Variants in PCSK9 observed in about 807,000 individuals in gnomAD.
The protein encoded by PCSK9 is convertase subtilisin/kexin type 9 preproprotein.
A neutral mutation model predicts 62.1 loss-of-function variants in PCSK9; 57 were observed. The observed-to-expected ratio is 0.92, with a 90% confidence interval of 0.74 to 1.14. PCSK9 has a LOEUF of 1.14. Among genes scored for constraint, PCSK9 ranks in the 50% most tolerant of loss-of-function variants. The probability of loss-of-function intolerance (pLI) is 0.00; values close to 1 mark genes in which losing one functional copy is unlikely to be tolerated. For missense variants in PCSK9, 870 were observed against 959.8 expected (o/e 0.91, Z 1.24); for synonymous variants, 387 against 409.4 (o/e 0.95, Z 0.66).
chr1:55,048,898 TTTC>T (rs1297109208), intron 3 of PCSK9, among the ~76,000 whole-genome samples: 1 of 152,244 alleles, frequency 6.6e-6, no homozygotes. Flanking sequence ...GCCCTGCATT[TTTC>T]TTTTCTTACC....
At chr1:55,056,440 A>G (rs1644715861) in intron 6 of PCSK9, among the ~76,000 whole-genome samples, 1 of 152,086 alleles carries the variant, frequency 6.6e-6, no homozygotes, top group African/African-American at 2.4e-5. Context: ...GCGCCCACGT[A>G]GCGGCGCCTA....
At chr1:55,059,143 G>A (rs45490396) in intron 9 of PCSK9, among the ~76,000 whole-genome samples, 10,875 of 152,292 alleles carry the variant, frequency 0.071, 518 homozygotes, top group Middle Eastern at 0.16. Flanking sequence ...AGTGAGGAGG[G>A]GCAGGCATTT....
intron 3 of PCSK9, chr1:55,052,065 G>A: frequency 1.5e-6 from 1 of 687,028 alleles, no homozygotes. Flanking sequence ...GCCTTGGACA[G>A]TTACCTGCCC....
At position 55,063,746 on chromosome 1, in the gene PCSK9, G is replaced by A; in HGVS notation, c.*162G>A. On this transcript the variant is annotated 3_prime_UTR_variant, in exon 12 of 12. Transcript: ENST00000302118. ...GCTGGCCTGGCCCTTGAGTGGGGCAGCCTCCTTGCCTGGAACTCACTCACT... is the reference window on the plus strand; with the variant it reads ...GCTGGCCTGGCCCTTGAGTGGGGCAACCTCCTTGCCTGGAACTCACTCACT... 2.4e-6 allele frequency: 2 copies of A among 839,198 alleles called. No individual in the cohort carries two copies. Among genetic ancestry groups the A allele is most frequent in the Non-Finnish European group, 3.6e-6 (2 of 554,898 alleles). 52.0% of individuals were successfully genotyped at this position (839,198 alleles called of 1,614,324 possible). A position where few individuals can be genotyped will look rare whatever the true frequency, so the allele number is the denominator to read the frequency against.
intron 1 of PCSK9, among the ~76,000 whole-genome samples, chr1:55,043,451 C>T (rs1408908134): frequency 6.6e-6 from 1 of 152,108 alleles, no homozygotes; most frequent in Non-Finnish European, 1.5e-5. Context: ...CCACGGTTTC[C>T]TGGCTCCAAA....
In PCSK9 at chr1:55,061,358, G is replaced by T; in HGVS notation, c.1682-17G>T. The T allele has an allele frequency of 6.3e-7, 1 of 1,598,380 alleles. No individual in the cohort carries two copies. The highest frequency in any genetic ancestry group is 8.5e-7 in the Non-Finnish European group (1 of 1,173,896). ...ATCCCAGCATTTCACATCTGAGCTGGCTTTCCTCTGCCCCAGGCTGCAGCT... is the reference window on the plus strand; with the variant it reads ...ATCCCAGCATTTCACATCTGAGCTGTCTTTCCTCTGCCCCAGGCTGCAGCT... On this transcript the variant is annotated splice_polypyrimidine_tract_variant and intron_variant, in intron 10 of 11. Transcript: ENST00000302118.
chr1:55,063,601 T>A lies in PCSK9; in HGVS notation c.*17T>A. 6.2e-7 allele frequency: 1 copy of A among 1,608,872 alleles called. No homozygotes were observed. Among genetic ancestry groups the A allele is most frequent in the Non-Finnish European group, 8.5e-7 (1 of 1,178,532 alleles). On this transcript the variant is annotated 3_prime_UTR_variant, in exon 12 of 12. Coordinates refer to ENST00000302118, the MANE Select transcript of PCSK9 (RefSeq NM_174936.4). Reference sequence around the variant, plus strand: ...CTCCAGTGACAGCCCCATCCCAGGATGGGTGTCTGGGGAGGGTCAAGGGCT... The same window carrying A: ...CTCCAGTGACAGCCCCATCCCAGGAAGGGTGTCTGGGGAGGGTCAAGGGCT...
rs1399539607 is a variant in PCSK9, at chr1:55,039,769, G to A, written c.-69G>A. On this transcript the variant is annotated 5_prime_UTR_variant, in exon 1 of 12. Coordinates refer to ENST00000302118, the MANE Select transcript of PCSK9 (RefSeq NM_174936.4). Reference sequence around the variant, plus strand: ...TCCTCCCCACCGCAAGGCTCAAGGCGCCGCCGGCGTGGACCGCGCACGGCC... The same window carrying A: ...TCCTCCCCACCGCAAGGCTCAAGGCACCGCCGGCGTGGACCGCGCACGGCC... The A allele has an allele frequency of 2.9e-5, 44 of 1,539,098 alleles. No homozygotes were observed. Among genetic ancestry groups the A allele is most frequent in the Non-Finnish European group, 3.8e-5 (43 of 1,133,306 alleles).
chr1:55,051,373 G>T (rs1026048357), intron 3 of PCSK9: 3 of 352,726 alleles, frequency 8.5e-6, no homozygotes, highest in South Asian at 2.1e-5. Context: ...TTCCGCTGGC[G>T]CAGGACTCTG....
At position 55,056,138 on chromosome 1, in the gene PCSK9, C is replaced by T. The variant is rs1378856006; in HGVS notation, c.945C>T (p.Ala315=). 11 of 1,555,336 alleles carry T rather than the reference C, an allele frequency of 7.1e-6. No homozygotes were observed. Among genetic ancestry groups the T allele is most frequent in the Middle Eastern group, 1.8e-4 (1 of 5,580 alleles). ...ARAGVVLVTA[A]GNFRDDACLY... is the part of the protein sequence containing the mutation. ...CTGGGGTCGTGCTGGTCACCGCTGC[C>T]GGCAACTTCCGGGACGATGCCTGCC... The change falls in exon 6 of 12, where the codon GCC becomes GCT. Residue 315 remains alanine, a synonymous_variant. Transcript: ENST00000302118.
chr1:55,045,124 C>T (rs1644624370), intron 2 of PCSK9, among the ~76,000 whole-genome samples: 1 of 149,526 alleles, frequency 6.7e-6, no homozygotes, highest in Admixed American at 6.6e-5. Flanking sequence ...ACAATGTGCT[C>T]AGCCTTGGGG....
At position 55,052,314 on chromosome 1, in the gene PCSK9, C is replaced by A; in HGVS notation, c.560C>A (p.Thr187Asn). The change falls in exon 4 of 12, where the codon ACC becomes AAC. Residue 187 changes from threonine (T) to asparagine (N), a missense_variant. Physicochemically the swap from Thr to Asn is moderately conservative, Grantham distance 65. Transcript: ENST00000302118. The part of the protein sequence containing the change: ...GSLVEVYLLD[T>N]SIQSDHREIE... ...CTGGTGGAGGTGTATCTCCTAGACA[C>A]CAGCATACAGAGTGACCACCGGGAA... 5 of 1,613,936 alleles carry A rather than the reference C, an allele frequency of 3.1e-6. No individual in the cohort carries two copies. The highest frequency in any genetic ancestry group is 4.2e-6 in the Non-Finnish European group (5 of 1,180,024).
chr1:55,042,304 G>A (rs114250794), intron 1 of PCSK9, among the ~76,000 whole-genome samples: 54 of 152,268 alleles, frequency 3.5e-4, no homozygotes, highest in African/African-American at 1.2e-3. Flanking sequence ...AAAATGTTAC[G>A]AAAACCAAAA....
At chr1:55,047,726 G>GGAGAA (rs1172001117) in intron 3 of PCSK9, among the ~76,000 whole-genome samples, 9 of 152,210 alleles carry the variant, frequency 5.9e-5, no homozygotes, top group Non-Finnish European at 2.9e-5. Flanking sequence ...AAGGGTTTGT[G>GGAGAA]TGGGGGACAT....
At chr1:55,053,262 T>A (rs1644689298) in intron 5 of PCSK9, among the ~76,000 whole-genome samples, 1 of 152,030 alleles carries the variant, frequency 6.6e-6, no homozygotes, top group African/African-American at 2.4e-5. Flanking sequence ...GGCAGAGGAC[T>A]TTTTCTAGAC....
chr1:55,041,249 G>GCTGT (rs1220547613), intron 1 of PCSK9, among the ~76,000 whole-genome samples: 1 of 152,200 alleles, frequency 6.6e-6, no homozygotes, highest in Non-Finnish European at 1.5e-5. Context: ...CTGGGGCAGA[G>GCTGT]GGGAAAATTC....
Position 55,058,119 on chromosome 1 carries a change from G to C in PCSK9, c.1264G>C (p.Asp422His). ...GAGACTGATCCACTTCTCTGCCAAA[G>C]ATGTCATCAATGAGGCCTGGTTCCC... is the stretch of plus-strand genomic sequence containing the variant. ...RQRLIHFSAKDVINEAWFPED... is the reference protein window; with the variant it reads ...RQRLIHFSAKHVINEAWFPED... Residue 422 changes from aspartate (D) to histidine (H), a missense_variant, in exon 8 of 12, where the codon GAT (aspartate) becomes CAT (histidine). Asp to His is a moderately conservative substitution (Grantham distance 81, BLOSUM62 -1). Transcript: ENST00000302118. The C allele has an allele frequency of 6.2e-7, 1 of 1,613,698 alleles. No individual in the cohort carries two copies.
chr1:55,061,503 C>A lies in PCSK9; in HGVS notation c.1810C>A (p.Pro604Thr). 1 of 1,605,312 alleles carries A rather than the reference C, an allele frequency of 6.2e-7. No homozygotes were observed. The highest frequency in any genetic ancestry group is 2.2e-5 in the East Asian group (1 of 44,528). The change falls in exon 11 of 12, where the codon CCA becomes ACA. Residue 604 changes from proline to threonine, a missense_variant. Coordinates refer to ENST00000302118, the MANE Select transcript of PCSK9 (RefSeq NM_174936.4). ...CATCCACGCTTCCTGCTGCCATGCC[C>A]CAGGTCTGGAATGCAAAGTCAAGGA... ...ASIHASCCHA[P>T]GLECKVKEHG...
In PCSK9 at chr1:55,039,669, G is replaced by C. The variant is rs946541750; in HGVS notation, c.-169G>C. The C allele has an allele frequency of 2.2e-5, 17 of 767,258 alleles. 1 individual carries two copies. The highest frequency in any genetic ancestry group is 3.3e-5 in the Non-Finnish European group (16 of 480,688). 47.5% of individuals were successfully genotyped at this position (767,258 alleles called of 1,614,324 possible). On this transcript the variant is annotated 5_prime_UTR_variant, in exon 1 of 12. Transcript: ENST00000302118. ...CGGGCCGGGACGCGTCGTTGCAGCA[G>C]CGGCTCCCAGCTCCCAGCCAGGATT...
Sources: gnomAD v4.1 joint callset for allele counts (sites outside exome capture counted in the v4.1 genomes callset) on GRCh38, gnomAD v4.1.1 for gene constraint, MANE v1.5 for transcripts, NCBI Gene and HGNC (gene_info 2026-07-23, HGNC 2026-07-21) for gene names.